CPED1: variants seen among roughly 807,000 people sequenced by gnomAD.
CPED1 encodes the protein cadherin-like and PC-esterase domain-containing protein 1.
A neutral mutation model predicts 128.2 loss-of-function variants in CPED1; 114 were observed. The ratio of observed to expected loss-of-function variants is 0.89; its 90% CI spans 0.76 to 1.04. The LOEUF is 1.04. Ranked by LOEUF, CPED1 falls within the 50% of genes least tolerant of loss-of-function variation. CPED1 has a pLI of 0.00. For synonymous variants in CPED1, 462 were observed against 426.7 expected (o/e 1.08, Z -1.02); for missense variants, 1,211 against 1,207.1 (o/e 1.00, Z -0.05).
chr7:121,158,421 C>T (rs1282941050), intron 16 of CPED1, among the ~76,000 whole-genome samples: 1 of 152,184 alleles, frequency 6.6e-6, no homozygotes, highest in Non-Finnish European at 1.5e-5. Flanking sequence ...CGCTGATGAA[C>T]AGCTTCTCAC....
At chr7:121,129,986 A>C (rs963246497) in intron 11 of CPED1, 139 bp from the exon 12 acceptor site, 1 of 662,400 alleles carries the variant, frequency 1.5e-6, no homozygotes, top group Admixed American at 3.7e-5. Flanking sequence ...CTTTGCAGAA[A>C]ACTAATTTAT....
chr7:121,207,431 C>T (rs192821395), intron 16 of CPED1, among the ~76,000 whole-genome samples: 12 of 152,122 alleles, frequency 7.9e-5, no homozygotes, highest in Admixed American at 2.0e-4. Context: ...ATATTCATCC[C>T]AGTCCTGTGA....
chr7:121,106,914 G>A (rs970250003), intron 7 of CPED1, among the ~76,000 whole-genome samples: 3 of 152,088 alleles, frequency 2.0e-5, no homozygotes, highest in East Asian at 1.9e-4. Flanking sequence ...AAATAAACAA[G>A]TGTTTAGAGT....
intron 16 of CPED1, among the ~76,000 whole-genome samples, chr7:121,233,502 T>A (rs1798183413): frequency 6.6e-6 from 1 of 151,974 alleles, no homozygotes; most frequent in Non-Finnish European, 1.5e-5. Context: ...TGAGCCATGA[T>A]GGTACCAGTG....
chr7:121,114,418 C>T (rs528144186), intron 7 of CPED1, among the ~76,000 whole-genome samples: 1 of 152,274 alleles, frequency 6.6e-6, no homozygotes. Flanking sequence ...AGTTCTATGC[C>T]TACCTTCATG....
intron 16 of CPED1, among the ~76,000 whole-genome samples, chr7:121,203,472 A>G (rs963115099): frequency 6.6e-6 from 1 of 152,106 alleles, no homozygotes; most frequent in Non-Finnish European, 1.5e-5. Flanking sequence ...CTGTCAACAG[A>G]TAGACCCGTC....
At chr7:121,019,134 C>T (rs889465102) in intron 3 of CPED1, among the ~76,000 whole-genome samples, 1 of 151,922 alleles carries the variant, frequency 6.6e-6, no homozygotes, top group Admixed American at 6.6e-5. Context: ...AAGAAGTAGG[C>T]AGTTTCGAGT....
At chr7:120,995,914 TC>T (rs1796390909) in intron 2 of CPED1, among the ~76,000 whole-genome samples, 2 of 91,820 alleles carry the variant, frequency 2.2e-5, no homozygotes, top group African/African-American at 4.6e-5. Flanking sequence ...CTTCTTCTTC[TC>T]CTTCTCCTCC....
intron 16 of CPED1, among the ~76,000 whole-genome samples, chr7:121,196,344 A>G (rs1038250152): frequency 2.6e-5 from 4 of 152,036 alleles, no homozygotes; most frequent in Admixed American, 2.6e-4. Context: ...TCAGTAAGCA[A>G]ACAGCCTCCA....
intron 4 of CPED1, chr7:121,052,047 C>T (rs1563006784): frequency 6.6e-6 from 1 of 152,366 alleles, no homozygotes; most frequent in Non-Finnish European, 1.5e-5. Context: ...AAGTGTCTTC[C>T]ACGTACTTAG....
intron 2 of CPED1, among the ~76,000 whole-genome samples, chr7:120,993,256 T>G (rs997767299): frequency 6.6e-6 from 1 of 152,208 alleles, no homozygotes; most frequent in Non-Finnish European, 1.5e-5. Context: ...GCACATTAAA[T>G]TATAAACAGA....
intron 3 of CPED1, among the ~76,000 whole-genome samples, chr7:121,018,881 G>T (rs1172495534): frequency 6.6e-6 from 1 of 151,986 alleles, no homozygotes; most frequent in African/African-American, 2.4e-5. Flanking sequence ...TCAAACTACA[G>T]AATTAAAGTC....
At chr7:121,272,550 GCTC>G (rs1447533318) in intron 22 of CPED1, among the ~76,000 whole-genome samples, 3 of 151,990 alleles carry the variant, frequency 2.0e-5, no homozygotes, top group Non-Finnish European at 2.9e-5. Context: ...GGATCACGTT[GCTC>G]CTCCAGGCAT....
rs185878580 is a variant in CPED1 at position 120,997,326 on chromosome 7, A to G, written c.249+7456A>G. Among the ~76,000 whole-genome samples the G allele has an allele frequency of 9.3e-4, 141 of 152,380 alleles. 1 individual carries two copies. The highest frequency in any genetic ancestry group is 3.2e-3 in the African/African-American group (134 of 41,586). On this transcript the variant is annotated intron_variant, in intron 2 of 22. Coordinates refer to ENST00000310396, the MANE Select transcript of CPED1 (RefSeq NM_024913.5). ...CAACATCTTTCTTTTTTAAGTGAAG[A>G]GAAAGAAGGTCACAGAAAGAAAGTG... is the stretch of plus-strand genomic sequence containing the variant.
intron 4 of CPED1, among the ~76,000 whole-genome samples, chr7:121,052,798 C>T (rs1457833515): frequency 6.6e-6 from 1 of 152,184 alleles, no homozygotes; most frequent in African/African-American, 2.4e-5. Flanking sequence ...TCTTGGTTCA[C>T]TGCAACTGCG....
intron 3 of CPED1, among the ~76,000 whole-genome samples, chr7:121,031,355 A>G (rs1451306376): frequency 6.6e-6 from 1 of 151,892 alleles, no homozygotes; most frequent in Non-Finnish European, 1.5e-5. Flanking sequence ...TCTGTTGCCC[A>G]GGTTGGAGGG....
chr7:121,182,094 C>T (rs552328856), intron 16 of CPED1, among the ~76,000 whole-genome samples: 1 of 151,928 alleles, frequency 6.6e-6, no homozygotes, highest in African/African-American at 2.4e-5. Context: ...TAACATGTTG[C>T]ATATTTCTGT....
rs948819354 is a variant in CPED1 at position 121,189,633 on chromosome 7, C to T, written c.2056-47081C>T. Reference sequence around the variant, plus strand: ...AGGTTTGTTAAAAAAATTAATTTAACCATGATGCCTCTCAATTTATGAAAA... The same window carrying T: ...AGGTTTGTTAAAAAAATTAATTTAATCATGATGCCTCTCAATTTATGAAAA... On this transcript the variant is annotated intron_variant, in intron 16 of 22. Transcript: ENST00000310396. Among the ~76,000 whole-genome samples, 3 of 151,500 alleles carry T rather than the reference C, an allele frequency of 2.0e-5. No individual in the cohort carries two copies. In the East Asian group the frequency reaches 5.8e-4, roughly 29 times the overall value.
chr7:121,212,961 T>A (rs185511294), intron 16 of CPED1, among the ~76,000 whole-genome samples: 42 of 152,072 alleles, frequency 2.8e-4, no homozygotes, highest in Non-Finnish European at 4.9e-4. Flanking sequence ...GCGTTGAGGC[T>A]TTTTTCCGGG....
Sources: allele counts gnomAD v4.1 joint callset (sites outside exome capture counted in the v4.1 genomes callset), GRCh38; gene constraint gnomAD v4.1.1; transcripts MANE v1.5; gene names NCBI Gene and HGNC (gene_info 2026-07-23, HGNC 2026-07-21).